Variants in ADGRB3 observed in about 807,000 individuals in gnomAD.
ADGRB3 encodes the protein adhesion G protein-coupled receptor B3, also known as brain-specific angiogenesis inhibitor 3.
ADGRB3 carries 37 observed loss-of-function variants against 193.4 expected under a neutral mutation model. That is an observed-to-expected ratio of 0.19 (90% CI 0.15 to 0.25). The LOEUF (loss-of-function observed/expected upper bound fraction) is 0.25. Among genes scored for constraint, ADGRB3 ranks in the 10% least tolerant of loss-of-function variants. ADGRB3 has a pLI of 1.00. For missense variants in ADGRB3, 1,637 were observed against 1,852.9 expected (o/e 0.88, Z 2.14); for synonymous variants, 690 against 644.2 (o/e 1.07, Z -1.08).
intron 13 of ADGRB3, among the ~76,000 whole-genome samples, chr6:69,031,043 TCTC>T (rs1376602072): frequency 0.075 from 562 of 7,538 alleles, 89 homozygotes; most frequent in Middle Eastern, 0.2. Flanking sequence ...TCTTCTCTCT[TCTC>T]TTCTCTTCTC....
intron 20 of ADGRB3, among the ~76,000 whole-genome samples, chr6:69,283,340 G>A (rs184275706): frequency 6.6e-6 from 1 of 152,168 alleles, no homozygotes; most frequent in Non-Finnish European, 1.5e-5. Flanking sequence ...CCTGGGGCCT[G>A]CAGACAATTT....
chr6:69,204,122 G>A (rs1036488301), intron 17 of ADGRB3, among the ~76,000 whole-genome samples: 1 of 152,018 alleles, frequency 6.6e-6, no homozygotes, highest in African/African-American at 2.4e-5. Context: ...CCTTTCTTCT[G>A]GATACATTAA....
intron 17 of ADGRB3, among the ~76,000 whole-genome samples, chr6:69,144,876 G>GTTCGTTCTTTCTTTCTTTCT (rs1774438848): frequency 7.2e-6 from 1 of 139,336 alleles, no homozygotes; most frequent in African/African-American, 2.7e-5. Context: ...TTGTTTGAGT[G>GTTCGTTCTTTCTTTCTTTCT]TTCTTTCTTT....
At chr6:69,237,931 G>T (rs1442814114) in intron 19 of ADGRB3, among the ~76,000 whole-genome samples, 1 of 152,044 alleles carries the variant, frequency 6.6e-6, no homozygotes, top group African/African-American at 2.4e-5. Context: ...GTTAAGATTT[G>T]ATCTAAGTTA....
At chr6:69,082,041 A>G (rs1399149057) in intron 17 of ADGRB3, among the ~76,000 whole-genome samples, 2 of 152,090 alleles carry the variant, frequency 1.3e-5, no homozygotes, top group Non-Finnish European at 2.9e-5. Context: ...GTTTTTGTAA[A>G]TAAAATTTTA....
At chr6:69,269,539 C>G (rs1017960905) in intron 20 of ADGRB3, among the ~76,000 whole-genome samples, 2 of 152,136 alleles carry the variant, frequency 1.3e-5, no homozygotes, top group Admixed American at 1.3e-4. Flanking sequence ...AAATGCATAT[C>G]TATCAAATAA....
intron 10 of ADGRB3, among the ~76,000 whole-genome samples, chr6:68,979,578 TG>T (rs1362374429): frequency 6.6e-6 from 1 of 151,556 alleles, no homozygotes; most frequent in Admixed American, 6.6e-5. Flanking sequence ...GTGAGATTCT[TG>T]GAAAGTTTAA....
intron 17 of ADGRB3, among the ~76,000 whole-genome samples, chr6:69,138,116 A>G (rs1561931109): frequency 1.3e-5 from 2 of 152,226 alleles, no homozygotes; most frequent in Admixed American, 6.5e-5. Flanking sequence ...TTAAAACTGT[A>G]TCACACAAAA....
chr6:68,654,161 C>A (rs2127282576), intron 3 of ADGRB3, among the ~76,000 whole-genome samples: 1 of 152,020 alleles, frequency 6.6e-6, no homozygotes, highest in African/African-American at 2.4e-5. Flanking sequence ...AATTAACATC[C>A]CCTTTGAGTA....
At chr6:68,640,829 A>G (rs1273410203) in intron 3 of ADGRB3, among the ~76,000 whole-genome samples, 2 of 152,228 alleles carry the variant, frequency 1.3e-5, no homozygotes, top group African/African-American at 4.8e-5. Context: ...GTAGGAGAGG[A>G]AAAGACCTGT....
At chr6:68,855,332 T>C (rs1357347981) in intron 3 of ADGRB3, among the ~76,000 whole-genome samples, 1 of 152,168 alleles carries the variant, frequency 6.6e-6, no homozygotes, top group Non-Finnish European at 1.5e-5. Flanking sequence ...TCCTGTCCAC[T>C]GTCCTTATGA....
chr6:69,318,322 C>T (rs1206783709), intron 20 of ADGRB3, among the ~76,000 whole-genome samples: 2 of 151,154 alleles, frequency 1.3e-5, no homozygotes, highest in East Asian at 1.9e-4. Flanking sequence ...AATGCTTTCA[C>T]GTTTATTAAT....
intron 3 of ADGRB3, among the ~76,000 whole-genome samples, chr6:68,897,589 G>T (rs1766265263): frequency 1.5e-5 from 1 of 68,216 alleles, no homozygotes; most frequent in Non-Finnish European, 3.1e-5. Context: ...AGGAAGGGAG[G>T]GATAGGGGAG....
At chr6:69,122,385 G>C (rs1007885189) in intron 17 of ADGRB3, among the ~76,000 whole-genome samples, 6 of 148,568 alleles carry the variant, frequency 4.0e-5, no homozygotes, top group African/African-American at 9.9e-5. Context: ...GGGCAGGGAG[G>C]CTGCAGCCAG....
At chr6:69,127,935 A>G (rs1773901997) in intron 17 of ADGRB3, among the ~76,000 whole-genome samples, 1 of 151,872 alleles carries the variant, frequency 6.6e-6, no homozygotes. Flanking sequence ...GCATTTGGAC[A>G]TAGATGTCTT....
At chr6:68,932,033 T>G (rs1019740445) in intron 4 of ADGRB3, among the ~76,000 whole-genome samples, 2 of 152,164 alleles carry the variant, frequency 1.3e-5, no homozygotes, top group Non-Finnish European at 2.9e-5. Flanking sequence ...TTTCTAAATG[T>G]ATTTCTCTCC....
intron 3 of ADGRB3, among the ~76,000 whole-genome samples, chr6:68,842,766 C>A (rs1403618048): frequency 4.6e-5 from 7 of 151,716 alleles, no homozygotes; most frequent in African/African-American, 1.7e-4. Flanking sequence ...TGTCAAAATC[C>A]TCAACAAAAT....
chr6:69,333,399 C>A (rs1768768444), intron 24 of ADGRB3, among the ~76,000 whole-genome samples: 1 of 152,014 alleles, frequency 6.6e-6, no homozygotes. Context: ...TCAGAACAAG[C>A]AAACCTAAAC....
chr6:69,217,462 T>C (rs1357584236), intron 17 of ADGRB3, among the ~76,000 whole-genome samples: 1 of 152,212 alleles, frequency 6.6e-6, no homozygotes, highest in Non-Finnish European at 1.5e-5. Context: ...AGCATCTGCT[T>C]TTCTGCCCCT....
Sources: allele counts gnomAD v4.1 joint callset (sites outside exome capture counted in the v4.1 genomes callset), GRCh38; gene constraint gnomAD v4.1.1; transcripts MANE v1.5; gene names NCBI Gene and HGNC (gene_info 2026-07-23, HGNC 2026-07-21).